CALHM4: variants seen among roughly 807,000 people sequenced by gnomAD.
CALHM4 encodes the protein calcium homeostasis modulator protein 4.
A neutral mutation model predicts 13.3 loss-of-function variants in CALHM4; 16 were observed. That is an observed-to-expected ratio of 1.20 (90% CI 0.81 to 1.82). The LOEUF is 1.82. CALHM4 is among the 40% of genes most tolerant of loss of function. CALHM4 has a pLI of 0.00. For synonymous variants in CALHM4, 127 were observed against 137.1 expected, an observed-to-expected ratio of 0.93 and a Z score of 0.52; for missense variants, 344 against 374.9, an observed-to-expected ratio of 0.92 and a Z score of 0.68.
At chr6:116,541,748 C>T (rs185699125) in intron 1 of CALHM4, among the ~76,000 whole-genome samples, 5 of 152,262 alleles carry the variant, frequency 3.3e-5, no homozygotes, top group Admixed American at 3.3e-4. Context: ...TTTTCTAATT[C>T]TCACTTTGCA....
intron 1 of CALHM4, among the ~76,000 whole-genome samples, chr6:116,542,204 C>G (rs1396927837): frequency 6.6e-6 from 1 of 152,098 alleles, no homozygotes; most frequent in African/African-American, 2.4e-5. Context: ...TATAGACAGA[C>G]AGTTCAGCTA....
At position 116,558,387 on chromosome 6, in the gene CALHM4, T is replaced by C; in HGVS notation, c.*176T>C. The C allele has an allele frequency of 1.2e-6, 1 of 808,802 alleles. No homozygotes were observed. Among genetic ancestry groups the C allele is most frequent in the South Asian group, 2.5e-5 (1 of 40,590 alleles). 50.1% of individuals were successfully genotyped at this position (808,802 alleles called of 1,614,324 possible). A position where few individuals can be genotyped will look rare whatever the true frequency, so the allele number is the denominator to read the frequency against. On this transcript the variant is annotated 3_prime_UTR_variant, in exon 2 of 2. Transcript: ENST00000368596. ...AATCTATTAGATAATTGTGCCAATC[T>C]CTCATTTTGAAATTTTGCCAATGGT...
intron 2 of CALHM4, among the ~76,000 whole-genome samples, chr6:116,544,395 A>T (rs1158037399): frequency 1.3e-5 from 2 of 152,066 alleles, no homozygotes; most frequent in Non-Finnish European, 2.9e-5. Flanking sequence ...TTTCTGGTTC[A>T]GTACCCATAA....
At chr6:116,542,328 T>A (rs937200999) in intron 1 of CALHM4, among the ~76,000 whole-genome samples, 1 of 151,934 alleles carries the variant, frequency 6.6e-6, no homozygotes, top group African/African-American at 2.4e-5. Flanking sequence ...AAAAATAAAT[T>A]ATAATTTTTT....
chr6:116,533,799 A>T (rs996983725), intron 1 of CALHM4, among the ~76,000 whole-genome samples: 7 of 152,194 alleles, frequency 4.6e-5, no homozygotes, highest in South Asian at 2.1e-4. Context: ...CCTGCTGTGA[A>T]TTGTGACTGG....
chr6:116,546,943 C>G (rs1270892145), intron 2 of CALHM4, among the ~76,000 whole-genome samples: 1 of 152,092 alleles, frequency 6.6e-6, no homozygotes, highest in Non-Finnish European at 1.5e-5. Context: ...CAGTTTACAA[C>G]ATGGTTTTCG....
chr6:116,554,906 A>G (rs933781955), intron 1 of CALHM4, among the ~76,000 whole-genome samples: 9 of 152,148 alleles, frequency 5.9e-5, no homozygotes, highest in Non-Finnish European at 8.8e-5. Context: ...GGTGGGAAGA[A>G]AGCCTGAACC....
At chr6:116,547,322 A>G (rs751724318) in intron 2 of CALHM4, among the ~76,000 whole-genome samples, 3 of 152,108 alleles carry the variant, frequency 2.0e-5, no homozygotes, top group Non-Finnish European at 4.4e-5. Context: ...ACTGGAATCA[A>G]TTTCACCAAA....
intron 1 of CALHM4, chr6:116,543,157 GA>G: frequency 1.8e-6 from 1 of 554,362 alleles, no homozygotes; most frequent in Non-Finnish European, 3.0e-6. Context: ...GCACTTGTAA[GA>G]AATTATGTTC....
upstream of CALHM4, chr6:116,553,623 C>T: frequency 1.6e-6 from 1 of 645,120 alleles, no homozygotes; most frequent in East Asian, 2.8e-5. Context: ...AATCTGAGCT[C>T]AGGGTTTTCA....
Position 116,560,642 on chromosome 6 carries a change from T to C in CALHM4, c.*2431T>C. Among the ~76,000 whole-genome samples the C allele has an allele frequency of 1.8e-5, 1 of 55,460 alleles. No homozygotes were observed. Among genetic ancestry groups the C allele is most frequent in the South Asian group, 8.8e-4 (1 of 1,140 alleles). 36.4% of individuals were successfully genotyped at this position (55,460 alleles called of 152,430 possible). A position where few individuals can be genotyped will look rare whatever the true frequency, so the allele number is the denominator to read the frequency against. ...TCTCAGATCAAATAAATGGAATTTT[T>C]AGTATTTTGGGGGGGGGGGGGGCTA... On this transcript the variant is annotated 3_prime_UTR_variant, in exon 2 of 2. Transcript: ENST00000368596.
In CALHM4 at chr6:116,558,316, T is replaced by C; in HGVS notation, c.*105T>C. ...ATCTCTTCATCTTTTTCTTTCTCTC[T>C]GATATTTGTTTACGTAAGTCCATCT... On this transcript the variant is annotated 3_prime_UTR_variant, in exon 2 of 2. Coordinates refer to ENST00000368596, the MANE Select transcript of CALHM4 (RefSeq NM_001366078.2). The C allele has an allele frequency of 8.2e-7, 1 of 1,221,244 alleles. No homozygotes were observed. Among genetic ancestry groups the C allele is most frequent in the Middle Eastern group, 2.8e-4 (1 of 3,518 alleles). 75.7% of individuals were successfully genotyped at this position (1,221,244 alleles called of 1,614,324 possible).
At chr6:116,549,389 G>A (rs1035849979), upstream of CALHM4, among the ~76,000 whole-genome samples, 1 of 152,130 alleles carries the variant, frequency 6.6e-6, no homozygotes, top group Admixed American at 6.5e-5. Flanking sequence ...ATACACTTCA[G>A]GCTTTGCTTT....
At chr6:116,544,151 A>AAGAG (rs141606346) in intron 2 of CALHM4, among the ~76,000 whole-genome samples, 7,255 of 132,922 alleles carry the variant, frequency 0.055, 529 homozygotes, top group African/African-American at 0.17. Context: ...AAAGGTGAAG[A>AAGAG]AGAGAGAGAG....
intron 1 of CALHM4, chr6:116,543,297 A>C: frequency 6.5e-7 from 1 of 1,543,314 alleles, no homozygotes; most frequent in Non-Finnish European, 8.8e-7. Flanking sequence ...AAGGACTTCC[A>C]CTTACATTTT....
intron 1 of CALHM4, among the ~76,000 whole-genome samples, chr6:116,534,428 C>A (rs1360890402): frequency 6.6e-6 from 1 of 151,848 alleles, no homozygotes; most frequent in East Asian, 1.9e-4. Flanking sequence ...TCAGTCATAG[C>A]AGTCTTGTGC....
chr6:116,557,725 T>G, intron 1 of CALHM4, 100 bp from the exon 2 acceptor site: 1 of 1,368,726 alleles, frequency 7.3e-7, no homozygotes, highest in South Asian at 1.4e-5. Context: ...ATGTCCATAT[T>G]TTAGTTCTTA....
Position 116,558,037 on chromosome 6 carries a change from G to A in CALHM4, c.771G>A (p.Gly257=), listed in dbSNP as rs188301418. ...RIKKLFGFIP[G]SEDVKHIRIP... is the part of the protein sequence containing the mutation. ...AGAAGCTATTTGGCTTCATTCCCGGGAGTGAAGACGTCAAACACATCCGCA... is the reference window on the plus strand; with the variant it reads ...AGAAGCTATTTGGCTTCATTCCCGGAAGTGAAGACGTCAAACACATCCGCA... Residue 257 remains glycine (G), a synonymous_variant, in exon 2 of 2, where the codon GGG becomes GGA. Coordinates refer to ENST00000368596, the MANE Select transcript of CALHM4 (RefSeq NM_001366078.2). 3.1e-5 allele frequency: 50 copies of A among 1,614,154 alleles called. No homozygotes were observed. The East Asian group carries it at 1.1e-3, about 36-fold the overall frequency.
Position 116,558,117 on chromosome 6 carries a change from G to A in CALHM4, c.851G>A (p.Gly284Asp). Residue 284 changes from glycine (G) to aspartate (D), a missense_variant, in exon 2 of 2, where the codon GGT (glycine) becomes GAT (aspartate). Coordinates refer to ENST00000368596, the MANE Select transcript of CALHM4 (RefSeq NM_001366078.2). ...DISVPTLLCM[G>D]DDLQGHYSFL... ...TCAGTACCCACTCTTTTATGCATGG[G>A]TGATGACTTGCAAGGTCACTATAGC... 1 of 1,614,164 alleles carries A rather than the reference G, an allele frequency of 6.2e-7. No homozygotes were observed. The highest frequency in any genetic ancestry group is 2.2e-5 in the East Asian group (1 of 44,884).
Sources: gnomAD v4.1 joint callset for allele counts (sites outside exome capture counted in the v4.1 genomes callset) on GRCh38, gnomAD v4.1.1 for gene constraint, MANE v1.5 for transcripts, NCBI Gene and HGNC (gene_info 2026-07-23, HGNC 2026-07-21) for gene names.